The following GRID2 variants were observed in gnomAD, a reference collection of about 807,000 sequenced individuals.
The protein encoded by GRID2 is glutamate receptor ionotropic, delta-2.
A neutral mutation model predicts 114.8 loss-of-function variants in GRID2; 33 were observed. The ratio of observed to expected loss-of-function variants is 0.29; its 90% CI spans 0.22 to 0.38. GRID2 has a LOEUF of 0.38. Among genes scored for constraint, GRID2 ranks in the 10% least tolerant of loss-of-function variants. The pLI is 1.00. For missense variants in GRID2, 1,184 were observed against 1,257.7 expected, an observed-to-expected ratio of 0.94 and a Z score of 0.89; for synonymous variants, 505 against 449.9, an observed-to-expected ratio of 1.12 and a Z score of -1.55.
chr4:92,932,362 T>C (rs1284401472), intron 2 of GRID2, among the ~76,000 whole-genome samples: 2 of 151,238 alleles, frequency 1.3e-5, no homozygotes, highest in African/African-American at 4.8e-5. Context: ...CAATGGCTTT[T>C]AGACACACAC....
intron 2 of GRID2, among the ~76,000 whole-genome samples, chr4:93,010,401 C>A (rs535054537): frequency 6.6e-6 from 1 of 151,946 alleles, no homozygotes; most frequent in South Asian, 2.1e-4. Flanking sequence ...CGTTTGCTTA[C>A]TAGATTACGG....
intron 2 of GRID2, among the ~76,000 whole-genome samples, chr4:93,076,146 C>T (rs1729273704): frequency 6.6e-6 from 1 of 151,986 alleles, no homozygotes; most frequent in Non-Finnish European, 1.5e-5. Context: ...GATCAGCCTG[C>T]CTCAGCCTCC....
At chr4:92,744,028 T>A (rs1363285011) in intron 2 of GRID2, among the ~76,000 whole-genome samples, 1 of 152,186 alleles carries the variant, frequency 6.6e-6, no homozygotes, top group Admixed American at 6.5e-5. Context: ...TATCTCATGC[T>A]TGTTTTTATT....
At chr4:92,472,420 T>C (rs1437683568) in intron 1 of GRID2, among the ~76,000 whole-genome samples, 1 of 152,138 alleles carries the variant, frequency 6.6e-6, no homozygotes. Flanking sequence ...TAGGAACATA[T>C]GTTTTGAAAT....
intron 1 of GRID2, among the ~76,000 whole-genome samples, chr4:92,405,548 G>A (rs1730985509): frequency 6.6e-6 from 1 of 151,598 alleles, no homozygotes. Context: ...CCTTGCTGTG[G>A]GTGTTAAAAT....
intron 14 of GRID2, among the ~76,000 whole-genome samples, chr4:93,728,113 G>A (rs1157765127): frequency 1.3e-5 from 2 of 151,846 alleles, no homozygotes; most frequent in Non-Finnish European, 2.9e-5. Context: ...GCTTTCTCTT[G>A]TGGGCATTTA....
At chr4:92,816,020 A>G (rs988042419) in intron 2 of GRID2, among the ~76,000 whole-genome samples, 2 of 151,542 alleles carry the variant, frequency 1.3e-5, no homozygotes, top group African/African-American at 4.8e-5. Context: ...TTGTTTTTAA[A>G]AGTACATTTT....
intron 13 of GRID2, among the ~76,000 whole-genome samples, chr4:93,565,226 T>C (rs965382893): frequency 3.9e-5 from 6 of 152,090 alleles, no homozygotes; most frequent in African/African-American, 1.2e-4. Flanking sequence ...GGTAATAAAA[T>C]ATTATGAAAC....
At chr4:92,353,460 T>C (rs1728170002) in intron 1 of GRID2, among the ~76,000 whole-genome samples, 1 of 151,980 alleles carries the variant, frequency 6.6e-6, no homozygotes, top group Admixed American at 6.6e-5. Flanking sequence ...CTGTGGAGAT[T>C]AAATTCTCCT....
intron 8 of GRID2, among the ~76,000 whole-genome samples, chr4:93,387,829 C>CAAA (rs11453782): frequency 1.4e-4 from 14 of 99,072 alleles, no homozygotes; most frequent in African/African-American, 3.2e-4. Context: ...GACTCTGTCT[C>CAAA]AAAAAAAAAA....
intron 4 of GRID2, among the ~76,000 whole-genome samples, chr4:93,154,436 A>G (rs749738938): frequency 4.5e-4 from 68 of 151,896 alleles, no homozygotes; most frequent in South Asian, 4.1e-4. Flanking sequence ...CCTTGCCTTT[A>G]TCTCTTCTGA....
At chr4:92,896,256 G>A (rs541161459) in intron 2 of GRID2, among the ~76,000 whole-genome samples, 21 of 152,292 alleles carry the variant, frequency 1.4e-4, no homozygotes, top group African/African-American at 5.1e-4. Context: ...TATGTAGCCA[G>A]GTGTTCCCCT....
At chr4:92,405,237 T>G (rs532460710) in intron 1 of GRID2, among the ~76,000 whole-genome samples, 70 of 152,250 alleles carry the variant, frequency 4.6e-4, no homozygotes, top group African/African-American at 1.6e-3. Flanking sequence ...ATAATATTTA[T>G]ATAGGACAGT....
At chr4:92,506,875 A>C (rs1192007229) in intron 1 of GRID2, among the ~76,000 whole-genome samples, 1 of 151,826 alleles carries the variant, frequency 6.6e-6, no homozygotes, top group African/African-American at 2.4e-5. Flanking sequence ...GTTTCTGAAA[A>C]AAATCTTTCA....
chr4:92,535,458 C>T (rs923475062), intron 1 of GRID2, among the ~76,000 whole-genome samples: 9 of 152,034 alleles, frequency 5.9e-5, no homozygotes, highest in Non-Finnish European at 1.3e-4. Flanking sequence ...GGACTAGATT[C>T]CCTACTGTTA....
chr4:93,018,726 T>C lies in GRID2; in HGVS notation c.245-66269T>C, dbSNP rs539950317. On this transcript the variant is annotated intron_variant, in intron 2 of 15. Transcript: ENST00000282020. Reference sequence around the variant, plus strand: ...AGAAAGTAAGTTAAAAAATCCCAAATCCTTTCTTTGTTGGATTAGGTTCCT... The same window carrying C: ...AGAAAGTAAGTTAAAAAATCCCAAACCCTTTCTTTGTTGGATTAGGTTCCT... Among the ~76,000 whole-genome samples, 7 of 152,260 alleles carry C rather than the reference T, an allele frequency of 4.6e-5. No homozygotes were observed. In the South Asian group the frequency reaches 1.4e-3, roughly 32 times the overall value.
intron 4 of GRID2, among the ~76,000 whole-genome samples, chr4:93,188,413 G>A (rs1740643678): frequency 6.6e-6 from 1 of 152,170 alleles, no homozygotes; most frequent in African/African-American, 2.4e-5. Context: ...GTTCCAGAAT[G>A]GGGAGAGCAG....
intron 2 of GRID2, among the ~76,000 whole-genome samples, chr4:93,001,267 GCTGT>G (rs1483649829): frequency 2.6e-5 from 4 of 151,488 alleles, no homozygotes; most frequent in Non-Finnish European, 5.9e-5. Flanking sequence ...AAGTATATAA[GCTGT>G]CTTTTTTGTT....
At chr4:92,815,914 C>CAAAAAA (rs5860292) in intron 2 of GRID2, among the ~76,000 whole-genome samples, 3 of 46,864 alleles carry the variant, frequency 6.4e-5, no homozygotes, top group Non-Finnish European at 1.1e-4. Flanking sequence ...GACCCTGTCT[C>CAAAAAA]AAAAAAAAAA....
Sources: allele counts gnomAD v4.1 joint callset (sites outside exome capture counted in the v4.1 genomes callset), GRCh38; gene constraint gnomAD v4.1.1; transcripts MANE v1.5; gene names NCBI Gene and HGNC (gene_info 2026-07-23, HGNC 2026-07-21).